CDH8: variants seen among roughly 807,000 people sequenced by gnomAD.
CDH8 encodes the protein cadherin-8.
Under a neutral mutation model 68.1 loss-of-function variants are expected in CDH8, and 17 were observed. The ratio of observed to expected loss-of-function variants is 0.25; its 90% CI spans 0.17 to 0.37. The LOEUF (loss-of-function observed/expected upper bound fraction) is 0.37. Ranked by LOEUF, CDH8 falls within the 10% of genes least tolerant of loss-of-function variation. The pLI is 1.00. For missense variants in CDH8, 763 were observed against 999.3 expected, an observed-to-expected ratio of 0.76 and a Z score of 3.19; for synonymous variants, 372 against 365.1, an observed-to-expected ratio of 1.02 and a Z score of -0.21.
In CDH8 at chr16:61,659,775, A is replaced by AG. The variant is rs534637581; in HGVS notation, c.1655-4055dup. 4.7e-4 allele frequency among the ~76,000 whole-genome samples: 72 copies of AG among 152,244 alleles called. 1 individual carries two copies. The South Asian group carries it at 0.014, about 30-fold the overall frequency. On this transcript the variant is annotated intron_variant, in intron 10 of 11. Coordinates refer to ENST00000577390, the MANE Select transcript of CDH8 (RefSeq NM_001796.5). ...GAGCCAATAGCTCAGGATTTTGCCC[A>AG]GGGGGGTGGAAAGCAGGGAATCTTG...
At chr16:61,790,290 C>T (rs1047810375) in intron 7 of CDH8, among the ~76,000 whole-genome samples, 9 of 151,904 alleles carry the variant, frequency 5.9e-5, no homozygotes, top group African/African-American at 1.7e-4. Flanking sequence ...AGTATCAAGA[C>T]AAAGAAAAGA....
Position 61,649,487 on chromosome 16 carries a change from TGTTTAA to T in CDH8, c.*4115_*4120del, listed in dbSNP as rs1347317210. 1 of 151,826 alleles carries T rather than the reference TGTTTAA, an allele frequency of 6.6e-6. No homozygotes were observed. Among genetic ancestry groups the T allele is most frequent in the Non-Finnish European group, 1.5e-5 (1 of 67,942 alleles). 9.4% of individuals were successfully genotyped at this position (151,826 alleles called of 1,614,324 possible). On this transcript the variant is annotated 3_prime_UTR_variant, in exon 12 of 12. Coordinates refer to ENST00000577390, the MANE Select transcript of CDH8 (RefSeq NM_001796.5). ...ATATTCTTTTTAATGTTGATATTCA[TGTTTAA>T]GTTGTGCATTTATAGAGCTTTTATA... is the stretch of plus-strand genomic sequence containing the variant.
At chr16:61,687,106 T>C (rs1056560985) in intron 10 of CDH8, among the ~76,000 whole-genome samples, 1 of 151,968 alleles carries the variant, frequency 6.6e-6, no homozygotes, top group Non-Finnish European at 1.5e-5. Context: ...ATGGATTAAA[T>C]GAACCATTGA....
intron 9 of CDH8, 49 bp downstream of exon 9, chr16:61,727,045 G>A (rs771613272): frequency 6.3e-7 from 1 of 1,593,718 alleles, no homozygotes; most frequent in Non-Finnish European, 8.6e-7. Context: ...TCAAATATGA[G>A]ACAGTTGTAT....
At chr16:61,982,461 C>T (rs1597106970) in intron 2 of CDH8, among the ~76,000 whole-genome samples, 1 of 152,132 alleles carries the variant, frequency 6.6e-6, no homozygotes, top group Admixed American at 6.5e-5. Context: ...CCTCGTGATC[C>T]GCCCGCCTCG....
intron 9 of CDH8, among the ~76,000 whole-genome samples, chr16:61,717,982 C>A (rs1964762660): frequency 6.6e-6 from 1 of 151,196 alleles, no homozygotes; most frequent in Non-Finnish European, 1.5e-5. Flanking sequence ...TATATATACA[C>A]ACATACATGT....
intron 3 of CDH8, among the ~76,000 whole-genome samples, chr16:61,861,090 G>A (rs1271267449): frequency 6.6e-6 from 1 of 152,106 alleles, no homozygotes; most frequent in Non-Finnish European, 1.5e-5. Context: ...AAGCCAGTGA[G>A]TACTAAATGT....
At chr16:61,932,325 A>C (rs1964558314) in intron 2 of CDH8, among the ~76,000 whole-genome samples, 1 of 152,226 alleles carries the variant, frequency 6.6e-6, no homozygotes, top group African/African-American at 2.4e-5. Flanking sequence ...AAAACAAAAG[A>C]TGAAGCATTA....
intron 2 of CDH8, among the ~76,000 whole-genome samples, chr16:61,995,852 C>G (rs1965798273): frequency 6.6e-6 from 1 of 152,186 alleles, no homozygotes; most frequent in Non-Finnish European, 1.5e-5. Context: ...TTCAACTTCA[C>G]AAGCTTACAT....
chr16:61,822,746 A>C (rs1962244727), intron 5 of CDH8, among the ~76,000 whole-genome samples: 2 of 152,008 alleles, frequency 1.3e-5, no homozygotes, highest in South Asian at 2.1e-4. Context: ...CAAACTGTAT[A>C]TTCCAAGTAA....
At chr16:61,920,529 A>C (rs1964344184) in intron 2 of CDH8, among the ~76,000 whole-genome samples, 1 of 115,324 alleles carries the variant, frequency 8.7e-6, no homozygotes, top group African/African-American at 3.5e-5. Context: ...GCCATCAGAG[A>C]AATGCAAATC....
At chr16:61,810,578 C>T (rs1473145749) in intron 7 of CDH8, among the ~76,000 whole-genome samples, 2 of 152,084 alleles carry the variant, frequency 1.3e-5, no homozygotes, top group African/African-American at 4.8e-5. Context: ...AGGTTCTCTA[C>T]AGGGTGAGAT....
intron 8 of CDH8, among the ~76,000 whole-genome samples, chr16:61,765,598 A>C (rs1316584720): frequency 6.6e-6 from 1 of 152,042 alleles, no homozygotes; most frequent in African/African-American, 2.4e-5. Flanking sequence ...AATGTAAGAG[A>C]GTTCTAGTAT....
intron 7 of CDH8, among the ~76,000 whole-genome samples, chr16:61,807,164 T>C (rs1370412159): frequency 7.6e-4 from 115 of 151,434 alleles, no homozygotes; most frequent in Non-Finnish European, 9.0e-4. Context: ...GAGTTCGTGT[T>C]CTTTGTAGGG....
chr16:61,974,647 T>C (rs1965404355), intron 2 of CDH8, among the ~76,000 whole-genome samples: 1 of 152,186 alleles, frequency 6.6e-6, no homozygotes, highest in Non-Finnish European at 1.5e-5. Context: ...CTAGATAGCA[T>C]AGAAAATATA....
chr16:61,904,916 G>A (rs1036439055), intron 2 of CDH8, among the ~76,000 whole-genome samples: 2 of 152,224 alleles, frequency 1.3e-5, no homozygotes, highest in African/African-American at 4.8e-5. Flanking sequence ...TGTCAGATCA[G>A]CAGTGGCATT....
intron 2 of CDH8, among the ~76,000 whole-genome samples, chr16:61,972,750 T>G (rs2150577878): frequency 6.6e-6 from 1 of 152,254 alleles, no homozygotes; most frequent in African/African-American, 2.4e-5. Context: ...TAGGTAATAA[T>G]GGACCTAATT....
intron 2 of CDH8, among the ~76,000 whole-genome samples, chr16:61,924,260 G>A (rs1264287895): frequency 2.6e-5 from 4 of 152,026 alleles, no homozygotes; most frequent in Non-Finnish European, 2.9e-5. Context: ...CATTTTTTGG[G>A]ACTTTTGAAC....
chr16:61,732,636 G>A (rs926209470), intron 8 of CDH8, among the ~76,000 whole-genome samples: 3 of 151,650 alleles, frequency 2.0e-5, no homozygotes, highest in African/African-American at 4.8e-5. Context: ...AAATTCTTCC[G>A]TTGAAAACAA....
Sources: gnomAD v4.1 joint callset for allele counts (sites outside exome capture counted in the v4.1 genomes callset) on GRCh38, gnomAD v4.1.1 for gene constraint, MANE v1.5 for transcripts, NCBI Gene and HGNC (gene_info 2026-07-23, HGNC 2026-07-21) for gene names.